GYPC: variants seen among roughly 807,000 people sequenced by gnomAD.
GYPC encodes glycophorin C (Gerbich blood group), also known as glycophorin-C.
In GYPC, 14 loss-of-function variants were observed where a neutral mutation model predicts 12.6. The ratio of observed to expected loss-of-function variants is 1.11; its 90% confidence interval spans 0.74 to 1.74. The LOEUF is 1.74. Ranked by LOEUF, GYPC falls within the 40% of genes most tolerant of loss-of-function variation. GYPC has a pLI of 0.00. For synonymous variants in GYPC, 78 were observed against 62.1 expected (o/e 1.26, Z -1.20); for missense variants, 225 against 172.1 (o/e 1.31, Z -1.72).
intron 1 of GYPC, among the ~76,000 whole-genome samples, chr2:126,663,091 G>A (rs549718111): frequency 1.7e-4 from 26 of 152,312 alleles, no homozygotes; most frequent in African/African-American, 5.5e-4. Flanking sequence ...AGGCTGGAGT[G>A]CAGTGACATG....
In GYPC at chr2:126,690,250, C is replaced by T. The variant is rs1321499368; in HGVS notation, c.50-5C>T. ...TGACCTCAGATTCTTGTCCTCTGTTCACAGAGCCTGATCCGGGGATGGCCT... is the reference window on the plus strand; with the variant it reads ...TGACCTCAGATTCTTGTCCTCTGTTTACAGAGCCTGATCCGGGGATGGCCT... On this transcript the variant is annotated splice_region_variant and splice_polypyrimidine_tract_variant and intron_variant, in intron 1 of 3. Transcript: ENST00000259254. 1.2e-6 allele frequency: 2 copies of T among 1,609,680 alleles called. No homozygotes were observed. The highest frequency in any genetic ancestry group is 1.3e-5 in the African/African-American group (1 of 74,822).
At chr2:126,668,330 C>T (rs556351301) in intron 1 of GYPC, among the ~76,000 whole-genome samples, 1 of 152,316 alleles carries the variant, frequency 6.6e-6, no homozygotes, top group Admixed American at 6.5e-5. Flanking sequence ...CCCAGGGCCC[C>T]TTGTGATGGC....
intron 1 of GYPC, among the ~76,000 whole-genome samples, chr2:126,689,091 C>T (rs1390204773): frequency 2.0e-5 from 3 of 152,216 alleles, no homozygotes; most frequent in Non-Finnish European, 4.4e-5. Flanking sequence ...GGCCATTAAG[C>T]TGTGAAAAAA....
intron 1 of GYPC, among the ~76,000 whole-genome samples, chr2:126,677,464 AGT>A (rs139303126): frequency 0.17 from 24,678 of 145,204 alleles, 2,545 homozygotes; most frequent in East Asian, 0.43. Flanking sequence ...AGAGTGTGAC[AGT>A]GTGTGTGTGA....
intron 1 of GYPC, among the ~76,000 whole-genome samples, chr2:126,685,564 T>C (rs542532624): frequency 6.6e-6 from 1 of 152,270 alleles, no homozygotes; most frequent in East Asian, 1.9e-4. Context: ...TTTGTATTTT[T>C]AGTAGAGATG....
intron 1 of GYPC, among the ~76,000 whole-genome samples, chr2:126,665,254 T>TGA (rs28387107): frequency 0.14 from 20,468 of 151,452 alleles, 1,801 homozygotes; most frequent in African/African-American, 0.25. Context: ...AGTAAGATAC[T>TGA]GAGAGAGAGA....
intron 1 of GYPC, among the ~76,000 whole-genome samples, chr2:126,676,390 G>A (rs28387150): frequency 2.0e-5 from 3 of 152,166 alleles, no homozygotes; most frequent in Non-Finnish European, 4.4e-5. Context: ...ACCCATTCCT[G>A]TTGATCATTA....
At chr2:126,665,725 G>A (rs749909367) in intron 1 of GYPC, among the ~76,000 whole-genome samples, 6 of 152,358 alleles carry the variant, frequency 3.9e-5, no homozygotes, top group South Asian at 4.1e-4. Context: ...GCCCTGGCAA[G>A]CGCCCACTCT....
intron 1 of GYPC, among the ~76,000 whole-genome samples, chr2:126,681,142 C>G (rs963518448): frequency 6.6e-6 from 1 of 152,116 alleles, no homozygotes; most frequent in Non-Finnish European, 1.5e-5. Context: ...ACTCCTAACC[C>G]GTCTACTTCT....
At chr2:126,672,272 A>C (rs1426752022) in intron 1 of GYPC, among the ~76,000 whole-genome samples, 1 of 152,132 alleles carries the variant, frequency 6.6e-6, no homozygotes, top group Non-Finnish European at 1.5e-5. Context: ...AGCCCTAACA[A>C]GAGACTGAGA....
chr2:126,695,539 G>A (rs370478696), intron 3 of GYPC, among the ~76,000 whole-genome samples: 9 of 152,170 alleles, frequency 5.9e-5, no homozygotes, highest in Admixed American at 1.3e-4. Flanking sequence ...AGTTTGGAAT[G>A]GCGTGAATGC....
chr2:126,690,437 C>A, intron 2 of GYPC, 126 bp downstream of exon 2: 2 of 769,990 alleles, frequency 2.6e-6, no homozygotes, highest in Non-Finnish European at 4.6e-6. Context: ...GGAGAACTGA[C>A]CTAAGGACTT....
At chr2:126,663,816 G>A (rs976562421) in intron 1 of GYPC, among the ~76,000 whole-genome samples, 8 of 152,294 alleles carry the variant, frequency 5.3e-5, no homozygotes, top group Admixed American at 5.2e-4. Context: ...GTGTGAAGCC[G>A]GGGGCCTCCT....
At chr2:126,671,166 C>G (rs1682842414) in intron 1 of GYPC, among the ~76,000 whole-genome samples, 1 of 152,202 alleles carries the variant, frequency 6.6e-6, no homozygotes, top group Non-Finnish European at 1.5e-5. Flanking sequence ...CGTTCCCTGA[C>G]CTTCCACTGC....
chr2:126,690,300 C>T lies in GYPC; in HGVS notation c.95C>T (p.Thr32Ile). The change falls in exon 2 of 4, where the codon ACC becomes ATC. Residue 32 changes from threonine to isoleucine, a missense_variant. Physicochemically the swap from Thr to Ile is moderately conservative, Grantham distance 89 (BLOSUM62 -1). Transcript: ENST00000259254. ...MASASTTMHT[T>I]TIAEPDPGMS... Reference sequence around the variant, plus strand: ...TCTGCCTCCACCACAATGCATACTACCACCATTGCAGGTGAGTTCTCATCA... The same window carrying T: ...TCTGCCTCCACCACAATGCATACTATCACCATTGCAGGTGAGTTCTCATCA... 3.1e-6 allele frequency: 5 copies of T among 1,610,528 alleles called. No homozygotes were observed. Among genetic ancestry groups the T allele is most frequent in the Non-Finnish European group, 3.4e-6 (4 of 1,176,694 alleles).
At chr2:126,667,967 C>T (rs183348959) in intron 1 of GYPC, among the ~76,000 whole-genome samples, 369 of 152,250 alleles carry the variant, frequency 2.4e-3, no homozygotes, top group African/African-American at 8.4e-3. Flanking sequence ...GATCCAGGAG[C>T]ATCAGAAAAC....
intron 3 of GYPC, 40 bp downstream of exon 3, chr2:126,693,987 G>T (rs1413382442): frequency 7.3e-7 from 1 of 1,366,024 alleles, no homozygotes; most frequent in South Asian, 1.2e-5. Context: ...AGCCAGGGTG[G>T]GGGGCCTTGG....
intron 1 of GYPC, among the ~76,000 whole-genome samples, chr2:126,677,492 A>T (rs112964089): frequency 1.3e-5 from 2 of 148,928 alleles, no homozygotes; most frequent in East Asian, 4.1e-4. Flanking sequence ...TGTGAGTCTG[A>T]GTGTGTGTAT....
rs754074072 is a variant in GYPC at position 126,693,727 on chromosome 2, C to G, written c.107-137C>G. The G allele has an allele frequency of 4.1e-6, 3 of 733,456 alleles. No individual in the cohort carries two copies. In the South Asian group the frequency reaches 4.3e-5, roughly 11 times the overall value. The allele number at this position is 733,456 out of a possible 1,614,324, so 45.4% of individuals were successfully genotyped here. A position where few individuals can be genotyped will look rare whatever the true frequency, so the allele number is the denominator to read the frequency against. The stretch of plus-strand genomic sequence containing the variant: ...GCATCCCTGCTAGGAGCAGTGGGTG[C>G]GCCGCACTGCTCCTTTCCACTTGGA... On this transcript the variant is annotated intron_variant, in intron 2 of 3. Transcript: ENST00000259254.
Sources: gnomAD v4.1 joint callset for allele counts (sites outside exome capture counted in the v4.1 genomes callset) on GRCh38, gnomAD v4.1.1 for gene constraint, MANE v1.5 for transcripts, NCBI Gene and HGNC (gene_info 2026-07-23, HGNC 2026-07-21) for gene names.